PTK2B: variants seen among roughly 807,000 people sequenced by gnomAD.
PTK2B encodes the protein protein tyrosine kinase 2 beta, also known as protein-tyrosine kinase 2-beta.
A neutral mutation model predicts 142.9 loss-of-function variants in PTK2B; 71 were observed. That is an observed-to-expected ratio of 0.50 (90% CI 0.41 to 0.61). The LOEUF is 0.61. PTK2B is among the 20% of genes least tolerant of loss of function. The probability of loss-of-function intolerance (pLI) is 0.00; values close to 1 mark genes in which losing one functional copy is unlikely to be tolerated. For missense variants in PTK2B, 1,105 were observed against 1,320.4 expected (o/e 0.84, Z 2.53); for synonymous variants, 519 against 503.4 (o/e 1.03, Z -0.42).
chr8:27,436,463 T>G (rs2132141638), intron 15 of PTK2B, 115 bp downstream of exon 15: 1 of 825,528 alleles, frequency 1.2e-6, no homozygotes, highest in Non-Finnish European at 2.0e-6. Context: ...GGGCCCCTTG[T>G]CCCTAAGGGC....
At chr8:27,375,275 C>T (rs1381311292) in intron 1 of PTK2B, among the ~76,000 whole-genome samples, 4 of 152,216 alleles carry the variant, frequency 2.6e-5, no homozygotes, top group African/African-American at 9.7e-5. Context: ...TCCCCTTACC[C>T]TGTCCTTGAC....
In PTK2B at chr8:27,434,581, C is replaced by T. The variant is rs1238269147; in HGVS notation, c.1192+22C>T. 1.1e-5 allele frequency: 18 copies of T among 1,594,464 alleles called. 1 individual carries two copies. In the South Asian group the frequency reaches 1.9e-4, roughly 17 times the overall value. On this transcript the variant is annotated intron_variant, in intron 13 of 30. Coordinates refer to ENST00000346049, the MANE Select transcript of PTK2B (RefSeq NM_173176.3). ...ATAGGTGAGCTGCCCGCTGCATCCT[C>T]CACCTGCTCCAGTTGCCTCCCGTCT... is the stretch of plus-strand genomic sequence containing the variant.
chr8:27,417,430 G>A (rs1272100312), intron 2 of PTK2B, among the ~76,000 whole-genome samples: 1 of 151,932 alleles, frequency 6.6e-6, no homozygotes, highest in Non-Finnish European at 1.5e-5. Flanking sequence ...GGAGAGGCGG[G>A]AGGTAGTGGG....
chr8:27,440,108 G>C (rs2241656), intron 20 of PTK2B, 129 bp from the exon 21 acceptor site: 223,477 of 898,880 alleles, frequency 0.25, 29,462 homozygotes, highest in Middle Eastern at 0.32. Flanking sequence ...AGGACCCCAG[G>C]GTGCTGGAGG....
chr8:27,362,793 G>A (rs17057043), intron 1 of PTK2B, among the ~76,000 whole-genome samples: 58,422 of 151,962 alleles, frequency 0.38, 11,632 homozygotes, highest in South Asian at 0.51. Context: ...CTGTTCCCAC[G>A]TGAAATCTAG....
At chr8:27,350,823 C>G (rs1370496796) in intron 1 of PTK2B, among the ~76,000 whole-genome samples, 1 of 149,558 alleles carries the variant, frequency 6.7e-6, no homozygotes, top group East Asian at 2.0e-4. Flanking sequence ...ACTAAAAATA[C>G]AAAAATTAGG....
intron 1 of PTK2B, among the ~76,000 whole-genome samples, chr8:27,328,539 G>A (rs1461603127): frequency 6.6e-6 from 1 of 152,172 alleles, no homozygotes; most frequent in Non-Finnish European, 1.5e-5. Context: ...CCATCCCCCT[G>A]TGATAAACAT....
chr8:27,311,182 C>T (rs915497088), upstream of PTK2B: 2 of 1,605,344 alleles, frequency 1.2e-6, no homozygotes, highest in East Asian at 2.2e-5. Flanking sequence ...CGCAGAGCAA[C>T]TCCTCCTTGA....
At chr8:27,336,392 T>A (rs1804066257) in intron 1 of PTK2B, among the ~76,000 whole-genome samples, 2 of 152,126 alleles carry the variant, frequency 1.3e-5, no homozygotes. Context: ...ATAAGCCCTG[T>A]TGAGGAAAGA....
At chr8:27,367,884 A>T (rs1167839433) in intron 1 of PTK2B, among the ~76,000 whole-genome samples, 1 of 152,194 alleles carries the variant, frequency 6.6e-6, no homozygotes, top group African/African-American at 2.4e-5. Flanking sequence ...CATGACCCAA[A>T]CACCTCCCAC....
At chr8:27,321,398 G>A (rs978440542), upstream of PTK2B, among the ~76,000 whole-genome samples, 4 of 152,156 alleles carry the variant, frequency 2.6e-5, no homozygotes, top group Admixed American at 1.3e-4. Context: ...TAGTATCACC[G>A]ATGCAGTTCA....
chr8:27,327,725 A>T (rs1223538584), intron 1 of PTK2B, among the ~76,000 whole-genome samples: 1 of 152,236 alleles, frequency 6.6e-6, no homozygotes, highest in East Asian at 1.9e-4. Context: ...ATGGTACCTC[A>T]GAAAAAACGA....
intron 1 of PTK2B, among the ~76,000 whole-genome samples, chr8:27,364,736 A>C (rs1455753454): frequency 2.0e-5 from 3 of 152,218 alleles, no homozygotes; most frequent in Admixed American, 6.5e-5. Context: ...CTGACGTCCA[A>C]TTGACGGGAG....
chr8:27,419,168 C>G (rs1809587398), intron 2 of PTK2B, among the ~76,000 whole-genome samples: 1 of 152,224 alleles, frequency 6.6e-6, no homozygotes, highest in Non-Finnish European at 1.5e-5. Flanking sequence ...GGCTGGGAGA[C>G]AGGCAGTCTA....
intron 1 of PTK2B, among the ~76,000 whole-genome samples, chr8:27,375,617 C>T (rs1806619303): frequency 6.6e-6 from 1 of 152,208 alleles, no homozygotes; most frequent in African/African-American, 2.4e-5. Flanking sequence ...TTGACTGCCT[C>T]CTGGTCATAA....
At chr8:27,423,843 T>C (rs1001195032) in intron 5 of PTK2B, among the ~76,000 whole-genome samples, 48 of 152,234 alleles carry the variant, frequency 3.2e-4, no homozygotes, top group African/African-American at 1.1e-3. Context: ...AAGGGCAGCT[T>C]CGAGGGCTTC....
chr8:27,390,742 A>T (rs1240567534), intron 1 of PTK2B, among the ~76,000 whole-genome samples: 3 of 152,232 alleles, frequency 2.0e-5, no homozygotes, highest in African/African-American at 7.2e-5. Context: ...CACTTAAAAA[A>T]TGTATGTGCC....
chr8:27,454,500 T>C lies in PTK2B; in HGVS notation c.2734-31T>C, dbSNP rs370947487. Reference sequence around the variant, plus strand: ...CCTGGCTCTCTCCAATAGCTAGGAGTGGCGGCCATCCTGCCCCTTTCTCCC... The same window carrying C: ...CCTGGCTCTCTCCAATAGCTAGGAGCGGCGGCCATCCTGCCCCTTTCTCCC... On this transcript the variant is annotated intron_variant, in intron 29 of 30. Transcript: ENST00000346049. 2.5e-6 allele frequency: 4 copies of C among 1,605,168 alleles called. No homozygotes were observed. The African/African-American group carries it at 5.4e-5, about 22-fold the overall frequency.
intron 7 of PTK2B, 64 bp downstream of exon 7, chr8:27,430,482 AGGCTGG>A (rs1810341950): frequency 6.3e-7 from 1 of 1,593,458 alleles, no homozygotes; most frequent in Admixed American, 1.7e-5. Context: ...GTAAGGGATG[AGGCTGG>A]GGCTGGGGAT....
Sources: gnomAD v4.1 joint callset for allele counts (sites outside exome capture counted in the v4.1 genomes callset) on GRCh38, gnomAD v4.1.1 for gene constraint, MANE v1.5 for transcripts, NCBI Gene and HGNC (gene_info 2026-07-23, HGNC 2026-07-21) for gene names.